The following EYS variants were observed in gnomAD, a reference collection of about 807,000 sequenced individuals.
The protein encoded by EYS is EGF-like photoreceptor maintenance factor, also known as protein eyes shut homolog.
In EYS, 250 loss-of-function variants were observed where a neutral mutation model predicts 282.1. That is an observed-to-expected ratio of 0.89 (90% CI 0.80 to 0.98). The LOEUF is 0.98. EYS is among the 50% of genes least tolerant of loss of function. The pLI, the probability that EYS is intolerant of heterozygous loss-of-function variation, is 0.00. For missense variants in EYS, 4,016 were observed against 3,709.0 expected (o/e 1.08, Z -2.15); for synonymous variants, 1,355 against 1,282.9 (o/e 1.06, Z -1.20).
chr6:65,653,062 T>C (rs1050588192), intron 1 of EYS, among the ~76,000 whole-genome samples: 1 of 151,844 alleles, frequency 6.6e-6, no homozygotes, highest in Non-Finnish European at 1.5e-5. Context: ...CATGTGGACA[T>C]GTCCTGAAAA....
intron 22 of EYS, among the ~76,000 whole-genome samples, chr6:64,749,440 GT>G (rs766025960): frequency 1.6e-4 from 25 of 152,210 alleles, no homozygotes; most frequent in South Asian, 4.1e-4. Flanking sequence ...GGGCCCACTT[GT>G]TTAAGGCATA....
chr6:64,016,620 C>T (rs1768906119), intron 33 of EYS, among the ~76,000 whole-genome samples: 2 of 151,848 alleles, frequency 1.3e-5, no homozygotes, highest in African/African-American at 4.8e-5. Flanking sequence ...GGACTACAGG[C>T]ATACATCACT....
At chr6:64,541,566 C>T (rs1764696406) in intron 26 of EYS, among the ~76,000 whole-genome samples, 1 of 152,054 alleles carries the variant, frequency 6.6e-6, no homozygotes, top group Admixed American at 6.6e-5. Flanking sequence ...AAGCCTCCAA[C>T]ATACCATGTT....
chr6:64,098,761 C>A (rs1292340653), intron 31 of EYS, among the ~76,000 whole-genome samples: 2 of 151,850 alleles, frequency 1.3e-5, no homozygotes, highest in Admixed American at 1.3e-4. Context: ...CCACCACGCC[C>A]AGCTAATTTT....
At position 64,388,769 on chromosome 6, in the gene EYS, T is replaced by C. The variant is rs1772996184; in HGVS notation, c.5999A>G (p.Asn2000Ser). ...TGGCAGGGGTTTTCCGAGTACATGA[T>C]TGATAGATTCGCATATTTGTGTATT... ...GRNTQICESI[N>S]HVLGKPLPKS... The change falls in exon 29 of 43, where the codon AAT becomes AGT. Residue 2000 changes from asparagine (N) to serine (S), a missense_variant. Physicochemically the swap from Asn to Ser is conservative, Grantham distance 46. Coordinates refer to ENST00000503581, the MANE Select transcript of EYS (RefSeq NM_001142800.2). The C allele has an allele frequency of 5.2e-6, 8 of 1,545,422 alleles. No homozygotes were observed. Among genetic ancestry groups the C allele is most frequent in the South Asian group, 3.6e-5 (3 of 82,710 alleles).
At chr6:64,943,276 TC>T (rs2150094264) in intron 15 of EYS, among the ~76,000 whole-genome samples, 1 of 152,060 alleles carries the variant, frequency 6.6e-6, no homozygotes, top group Non-Finnish European at 1.5e-5. Flanking sequence ...CTACAAGCAT[TC>T]CCCTGGAGGA....
At chr6:64,923,367 TCCC>T (rs1196805336) in intron 15 of EYS, among the ~76,000 whole-genome samples, 1 of 152,034 alleles carries the variant, frequency 6.6e-6, no homozygotes, top group Non-Finnish European at 1.5e-5. Context: ...TTCAATTACC[TCCC>T]CCTGGGTCCC....
At position 65,291,954 on chromosome 6, in the gene EYS, G is replaced by T. The variant is rs372129077; in HGVS notation, c.2023+3909C>A. 2.0e-5 allele frequency among the ~76,000 whole-genome samples: 3 copies of T among 151,604 alleles called. No individual in the cohort carries two copies. In the South Asian group the frequency reaches 6.2e-4, roughly 32 times the overall value. ...TTGAAAGCCCTGAGCAGATACAAAA[G>T]GTTAATGGAATTTTTATGAAGAGAG... On this transcript the variant is annotated intron_variant, in intron 12 of 42. Transcript: ENST00000503581.
At chr6:64,128,237 A>T (rs1273350174) in intron 31 of EYS, among the ~76,000 whole-genome samples, 1 of 152,150 alleles carries the variant, frequency 6.6e-6, no homozygotes, top group Non-Finnish European at 1.5e-5. Flanking sequence ...CATTTCTAAA[A>T]ATAATATTTT....
intron 22 of EYS, among the ~76,000 whole-genome samples, chr6:64,726,514 T>C (rs1771762820): frequency 6.6e-6 from 1 of 152,156 alleles, no homozygotes; most frequent in Admixed American, 6.5e-5. Flanking sequence ...ACTATATTGT[T>C]TAAAGTTCTG....
intron 26 of EYS, among the ~76,000 whole-genome samples, chr6:64,527,616 A>C (rs1777966541): frequency 6.6e-6 from 1 of 151,790 alleles, no homozygotes; most frequent in African/African-American, 2.4e-5. Flanking sequence ...ATGAAATATG[A>C]CCGAAATAAA....
rs560837028 is a variant in EYS at position 64,779,230 on chromosome 6, G to C, written c.3443+34148C>G. 7.2e-5 allele frequency among the ~76,000 whole-genome samples: 11 copies of C among 152,004 alleles called. No individual in the cohort carries two copies. The East Asian group carries it at 1.5e-3, about 21-fold the overall frequency. ...GGTTTGTTTCTAATTGCCAAAACTT[G>C]GAAGTATTTAAAATATTCTTCAGTA... On this transcript the variant is annotated intron_variant, in intron 22 of 42. Transcript: ENST00000503581.
intron 12 of EYS, among the ~76,000 whole-genome samples, chr6:65,089,996 C>CAA (rs1774508196): frequency 6.7e-6 from 1 of 148,802 alleles, no homozygotes; most frequent in Admixed American, 6.7e-5. Flanking sequence ...CACACACACA[C>CAA]ACACACACAC....
chr6:64,665,483 C>T (rs929816746), intron 22 of EYS, among the ~76,000 whole-genome samples: 7 of 152,058 alleles, frequency 4.6e-5, no homozygotes, highest in Admixed American at 3.9e-4. Flanking sequence ...CTTGGAGAAA[C>T]AGCCCTAGTC....
chr6:64,154,424 G>A (rs1271748114), intron 31 of EYS, among the ~76,000 whole-genome samples: 7 of 133,492 alleles, frequency 5.2e-5, no homozygotes, highest in Non-Finnish European at 7.9e-5. Context: ...TGGGCAATAA[G>A]TGGGAAACTC....
intron 31 of EYS, among the ~76,000 whole-genome samples, chr6:64,141,581 C>T (rs1464649416): frequency 6.6e-6 from 1 of 151,990 alleles, no homozygotes; most frequent in Non-Finnish European, 1.5e-5. Context: ...AAAATAAGCC[C>T]TTTTAATGTA....
chr6:64,107,752 A>T, intron 31 of EYS, among the ~76,000 whole-genome samples: 1 of 152,196 alleles, frequency 6.6e-6, no homozygotes, highest in East Asian at 1.9e-4. Context: ...GTCATAACGT[A>T]TTGGGTAAAA....
chr6:64,797,932 T>C (rs1348799539), intron 22 of EYS, among the ~76,000 whole-genome samples: 1 of 151,920 alleles, frequency 6.6e-6, no homozygotes, highest in Non-Finnish European at 1.5e-5. Flanking sequence ...CTTGCTCCAA[T>C]TATTAGATTT....
intron 22 of EYS, among the ~76,000 whole-genome samples, chr6:64,755,692 T>C (rs11967751): frequency 0.021 from 3,170 of 152,094 alleles, 109 homozygotes; most frequent in African/African-American, 0.069. Context: ...AGCTAAATAA[T>C]GTGTACACAG....
Sources: allele counts gnomAD v4.1 joint callset (sites outside exome capture counted in the v4.1 genomes callset), GRCh38; gene constraint gnomAD v4.1.1; transcripts MANE v1.5; gene names NCBI Gene and HGNC (gene_info 2026-07-23, HGNC 2026-07-21).